ANTXR1: variants seen among roughly 807,000 people sequenced by gnomAD.
ANTXR1 encodes the protein anthrax toxin receptor 1.
A neutral mutation model predicts 78.1 loss-of-function variants in ANTXR1; 19 were observed. The ratio of observed to expected loss-of-function variants is 0.24; its 90% CI spans 0.17 to 0.36. The LOEUF (loss-of-function observed/expected upper bound fraction) is 0.36. Among genes scored for constraint, ANTXR1 ranks in the 10% least tolerant of loss-of-function variants. ANTXR1 has a pLI of 1.00. For missense variants in ANTXR1, 518 were observed against 718.6 expected (o/e 0.72, Z 3.19); for synonymous variants, 273 against 260.5 (o/e 1.05, Z -0.46).
At chr2:69,162,579 T>G (rs1314123986) in intron 13 of ANTXR1, among the ~76,000 whole-genome samples, 2 of 152,060 alleles carry the variant, frequency 1.3e-5, no homozygotes, top group African/African-American at 4.8e-5. Flanking sequence ...ACACATGAGC[T>G]CACAATCCCA....
intron 15 of ANTXR1, 54 bp downstream of exon 15, chr2:69,181,935 G>A: frequency 1.9e-6 from 3 of 1,577,252 alleles, no homozygotes; most frequent in Non-Finnish European, 1.7e-6. Context: ...TCCCATCGAG[G>A]TACCAGCCGG....
chr2:69,240,292 G>A (rs1221341197), intron 17 of ANTXR1, among the ~76,000 whole-genome samples: 1 of 152,238 alleles, frequency 6.6e-6, no homozygotes, highest in African/African-American at 2.4e-5. Context: ...GTGCCTCAGA[G>A]GTGCTCACCA....
chr2:69,176,039 T>G (rs1318890064), intron 14 of ANTXR1, among the ~76,000 whole-genome samples: 1 of 151,778 alleles, frequency 6.6e-6, no homozygotes. Flanking sequence ...CTGTCAGGCA[T>G]CTTCTTGCCA....
intron 2 of ANTXR1, among the ~76,000 whole-genome samples, chr2:69,041,961 G>A (rs956619438): frequency 3.3e-5 from 5 of 152,154 alleles, no homozygotes; most frequent in East Asian, 1.9e-4. Flanking sequence ...CTGGGCTGTC[G>A]TCTGTTGACA....
At chr2:69,236,324 ATGTG>A (rs143008560) in intron 17 of ANTXR1, among the ~76,000 whole-genome samples, 2 of 152,176 alleles carry the variant, frequency 1.3e-5, no homozygotes, top group Non-Finnish European at 2.9e-5. Context: ...ATATGTGTGT[ATGTG>A]TGAGTGTATA....
intron 13 of ANTXR1, among the ~76,000 whole-genome samples, chr2:69,157,178 C>T (rs975262916): frequency 4.6e-5 from 7 of 152,182 alleles, no homozygotes; most frequent in Non-Finnish European, 1.5e-5. Context: ...GTCGACCTCT[C>T]TCTCCTTTAA....
At chr2:69,064,482 A>G (rs1417215459) in intron 3 of ANTXR1, among the ~76,000 whole-genome samples, 1 of 152,226 alleles carries the variant, frequency 6.6e-6, no homozygotes, top group Non-Finnish European at 1.5e-5. Flanking sequence ...GGGCTAAAGC[A>G]AGTTACATGG....
intron 12 of ANTXR1, among the ~76,000 whole-genome samples, chr2:69,131,469 ATATAGAGGTAGTT>A (rs1204253399): frequency 3.3e-5 from 5 of 152,244 alleles, no homozygotes; most frequent in African/African-American, 1.2e-4. Context: ...TCCGGCTGCC[ATATAGAGGTAGTT>A]TATAGCTTTG....
intron 2 of ANTXR1, among the ~76,000 whole-genome samples, chr2:69,043,891 A>G (rs1669680641): frequency 6.6e-6 from 1 of 152,122 alleles, no homozygotes; most frequent in Non-Finnish European, 1.5e-5. Flanking sequence ...GGGGAACTGG[A>G]ACTACAAGGT....
intron 10 of ANTXR1, among the ~76,000 whole-genome samples, chr2:69,104,253 G>A (rs972909578): frequency 3.3e-5 from 5 of 152,114 alleles, no homozygotes; most frequent in Non-Finnish European, 7.4e-5. Flanking sequence ...ATAGCCTTTT[G>A]AAGGAGGTTA....
intron 17 of ANTXR1, among the ~76,000 whole-genome samples, chr2:69,215,796 T>C (rs1675160293): frequency 6.6e-6 from 1 of 152,252 alleles, no homozygotes; most frequent in Non-Finnish European, 1.5e-5. Flanking sequence ...ATGGAGGCTC[T>C]ACTGACCCAG....
At chr2:69,028,508 A>T (rs1671427286) in intron 1 of ANTXR1, among the ~76,000 whole-genome samples, 1 of 152,308 alleles carries the variant, frequency 6.6e-6, no homozygotes, top group Non-Finnish European at 1.5e-5. Context: ...GAAAAAAAAT[A>T]AAAAAGCATT....
intron 10 of ANTXR1, among the ~76,000 whole-genome samples, chr2:69,107,153 C>T (rs973727739): frequency 2.0e-5 from 3 of 151,602 alleles, no homozygotes; most frequent in Non-Finnish European, 4.4e-5. Context: ...AGATTTTTTT[C>T]ACCCAAGTTT....
intron 1 of ANTXR1, among the ~76,000 whole-genome samples, chr2:69,020,614 G>A (rs1671156500): frequency 6.6e-6 from 1 of 152,150 alleles, no homozygotes; most frequent in African/African-American, 2.4e-5. Flanking sequence ...AGACTTGGCT[G>A]TCACATAAAT....
chr2:69,017,735 G>A (rs1671063657), intron 1 of ANTXR1, among the ~76,000 whole-genome samples: 1 of 152,140 alleles, frequency 6.6e-6, no homozygotes, highest in African/African-American at 2.4e-5. Context: ...AGGAAAAATA[G>A]ATTGCTGGGA....
At chr2:69,225,459 G>A (rs79311976) in intron 17 of ANTXR1, among the ~76,000 whole-genome samples, 7,396 of 152,174 alleles carry the variant, frequency 0.049, 583 homozygotes, top group African/African-American at 0.16. Flanking sequence ...TAGCCTGGGC[G>A]ACAAAGTGAA....
intron 1 of ANTXR1, among the ~76,000 whole-genome samples, chr2:69,028,914 G>A (rs1671436636): frequency 6.6e-6 from 1 of 152,042 alleles, no homozygotes; most frequent in Non-Finnish European, 1.5e-5. Context: ...AGGATGCAGA[G>A]ATTAAAATTA....
intron 10 of ANTXR1, 108 bp downstream of exon 10, chr2:69,103,048 G>C: frequency 8.5e-7 from 1 of 1,174,566 alleles, no homozygotes; most frequent in Non-Finnish European, 1.3e-6. Context: ...GCAGAAAAGA[G>C]TCTTATTTGC....
chr2:69,162,684 G>A (rs1259218927), intron 13 of ANTXR1, among the ~76,000 whole-genome samples: 1 of 152,136 alleles, frequency 6.6e-6, no homozygotes, highest in Non-Finnish European at 1.5e-5. Flanking sequence ...AAAGGATGAG[G>A]AAGTCAGTCC....
Sources: allele counts gnomAD v4.1 joint callset (sites outside exome capture counted in the v4.1 genomes callset), GRCh38; gene constraint gnomAD v4.1.1; transcripts MANE v1.5; gene names NCBI Gene and HGNC (gene_info 2026-07-23, HGNC 2026-07-21).